SLC16A10: variants seen among roughly 807,000 people sequenced by gnomAD.
SLC16A10 encodes monocarboxylate transporter 10.
In SLC16A10, 27 loss-of-function variants were observed where a neutral mutation model predicts 40.0. That is an observed-to-expected ratio of 0.67 (90% confidence interval 0.50 to 0.93). The LOEUF is 0.93. Ranked by LOEUF, SLC16A10 falls within the 40% of genes least tolerant of loss-of-function variation. The probability of loss-of-function intolerance (pLI) is 0.00; values close to 1 mark genes in which losing one functional copy is unlikely to be tolerated. For synonymous variants in SLC16A10, 213 were observed against 249.8 expected, an observed-to-expected ratio of 0.85 and a Z score of 1.39; for missense variants, 529 against 658.2, an observed-to-expected ratio of 0.80 and a Z score of 2.15.
chr6:111,160,622 C>T (rs560089699), intron 1 of SLC16A10, among the ~76,000 whole-genome samples: 47 of 152,346 alleles, frequency 3.1e-4, no homozygotes, highest in Middle Eastern at 3.4e-3. Context: ...TGACGTTCAG[C>T]GGTTCCCGAG....
intron 3 of SLC16A10, among the ~76,000 whole-genome samples, chr6:111,203,730 A>ATAAT (rs1773209927): frequency 6.8e-6 from 1 of 147,964 alleles, no homozygotes. Context: ...AAATAAATAA[A>ATAAT]TAAATAAATA....
At chr6:111,113,113 A>G (rs909341629) in intron 1 of SLC16A10, among the ~76,000 whole-genome samples, 1 of 152,218 alleles carries the variant, frequency 6.6e-6, no homozygotes, top group African/African-American at 2.4e-5. Context: ...CAGTTTACCT[A>G]TTAACAAATT....
At chr6:111,187,747 C>CT (rs1355878258) in intron 3 of SLC16A10, among the ~76,000 whole-genome samples, 1 of 152,180 alleles carries the variant, frequency 6.6e-6, no homozygotes, top group African/African-American at 2.4e-5. Flanking sequence ...CAGGAGGTTG[C>CT]TTTGCCATTT....
chr6:111,113,025 T>A (rs1277858502), intron 1 of SLC16A10, among the ~76,000 whole-genome samples: 1 of 152,168 alleles, frequency 6.6e-6, no homozygotes, highest in African/African-American at 2.4e-5. Flanking sequence ...TAAAATGATT[T>A]GGGGGTCATT....
At chr6:111,148,549 A>G (rs1432038500) in intron 1 of SLC16A10, among the ~76,000 whole-genome samples, 1 of 152,202 alleles carries the variant, frequency 6.6e-6, no homozygotes, top group East Asian at 1.9e-4. Context: ...AGGTGGAAAC[A>G]TGTCTATGTG....
At chr6:111,108,498 A>G (rs1771326576) in intron 1 of SLC16A10, among the ~76,000 whole-genome samples, 1 of 152,214 alleles carries the variant, frequency 6.6e-6, no homozygotes, top group African/African-American at 2.4e-5. Context: ...TCAACTCACA[A>G]AAGTATCTTG....
chr6:111,113,615 T>A (rs1332614700), intron 1 of SLC16A10, among the ~76,000 whole-genome samples: 3 of 152,106 alleles, frequency 2.0e-5, no homozygotes, highest in Non-Finnish European at 2.9e-5. Flanking sequence ...TTGTGGGGAT[T>A]GTGTGTGTGT....
intron 1 of SLC16A10, among the ~76,000 whole-genome samples, chr6:111,128,761 T>TA (rs1335288342): frequency 1.3e-5 from 2 of 152,072 alleles, no homozygotes; most frequent in Non-Finnish European, 2.9e-5. Context: ...GGTTTTTTTT[T>TA]ATTGCACAGA....
chr6:111,093,276 G>C (rs948942281), intron 1 of SLC16A10, among the ~76,000 whole-genome samples: 1 of 152,128 alleles, frequency 6.6e-6, no homozygotes, highest in Non-Finnish European at 1.5e-5. Context: ...TTATCAAAAA[G>C]GTCCTGAAAG....
chr6:111,100,218 C>T (rs1353316744), intron 1 of SLC16A10, among the ~76,000 whole-genome samples: 3 of 152,064 alleles, frequency 2.0e-5, no homozygotes, highest in Non-Finnish European at 1.5e-5. Context: ...TCTTTCAATA[C>T]ACGGGTGTCT....
chr6:111,177,323 A>G lies in SLC16A10; in HGVS notation c.600A>G (p.Gly200=). 2 of 1,613,604 alleles carry G rather than the reference A, an allele frequency of 1.2e-6. No individual in the cohort carries two copies. Among genetic ancestry groups the G allele is most frequent in the South Asian group, 1.1e-5 (1 of 91,002 alleles). The change falls in exon 3 of 6, where the codon GGA becomes GGG. Residue 200 remains glycine (G), a synonymous_variant. Coordinates refer to ENST00000368851, the MANE Select transcript of SLC16A10 (RefSeq NM_018593.5). The part of the protein sequence containing the change: ...ILGHYFKKRL[G]LVNGIVTAGS... ...GACACTATTTCAAGAAGCGCCTTGG[A>G]CTGGTGAATGGCATTGTCACTGCTG...
At chr6:111,150,166 G>A (rs749497863) in intron 1 of SLC16A10, among the ~76,000 whole-genome samples, 14 of 152,198 alleles carry the variant, frequency 9.2e-5, no homozygotes, top group African/African-American at 9.7e-5. Flanking sequence ...GATTAATGCC[G>A]TTGTTGCAGT....
intron 1 of SLC16A10, among the ~76,000 whole-genome samples, chr6:111,089,033 G>A (rs894155270): frequency 1.3e-5 from 2 of 151,664 alleles, no homozygotes; most frequent in African/African-American, 4.8e-5. Flanking sequence ...TGACTTCAAG[G>A]GCTAAGTGAT....
chr6:111,140,502 A>G (rs1256984458), intron 1 of SLC16A10, among the ~76,000 whole-genome samples: 2 of 151,856 alleles, frequency 1.3e-5, no homozygotes, highest in Admixed American at 6.6e-5. Context: ...TACCAGCCCA[A>G]CTGCACTTCT....
intron 1 of SLC16A10, among the ~76,000 whole-genome samples, chr6:111,141,046 C>T (rs1377133709): frequency 5.3e-5 from 8 of 152,176 alleles, no homozygotes; most frequent in Non-Finnish European, 1.2e-4. Flanking sequence ...TTGCCTTGTC[C>T]TCCCAGAGTG....
intron 1 of SLC16A10, among the ~76,000 whole-genome samples, chr6:111,100,796 A>T (rs1771161748): frequency 6.6e-6 from 1 of 151,888 alleles, no homozygotes; most frequent in South Asian, 2.1e-4. Flanking sequence ...GGGAATGCCA[A>T]ACTTTAACAC....
At chr6:111,220,558 A>G (rs1252579887) in intron 5 of SLC16A10, among the ~76,000 whole-genome samples, 2 of 152,358 alleles carry the variant, frequency 1.3e-5, no homozygotes, top group South Asian at 2.1e-4. Flanking sequence ...CTAGTCATGA[A>G]TCAAGCAAGC....
chr6:111,229,337 TTTAAA>T lies in SLC16A10; in HGVS notation c.*7106_*7110del, dbSNP rs1248066589. ...TGCAATTTTTGTTAACATATAAGAC[TTTAAA>T]TTACGAAACTCACAAGAAAATGATC... On this transcript the variant is annotated 3_prime_UTR_variant, in exon 6 of 6. Transcript: ENST00000368851. 2.6e-5 allele frequency: 4 copies of T among 152,156 alleles called. No individual in the cohort carries two copies. The highest frequency in any genetic ancestry group is 6.5e-5 in the Admixed American group (1 of 15,272). The allele number at this position is 152,156 out of a possible 1,614,324, so 9.4% of individuals were successfully genotyped here. A position where few individuals can be genotyped will look rare whatever the true frequency, so the allele number is the denominator to read the frequency against.
intron 1 of SLC16A10, among the ~76,000 whole-genome samples, chr6:111,156,788 A>G (rs1471712129): frequency 6.6e-6 from 1 of 152,272 alleles, no homozygotes; most frequent in African/African-American, 2.4e-5. Flanking sequence ...TAGTTCATTA[A>G]TTGTGACAAA....
Sources: allele counts gnomAD v4.1 joint callset (sites outside exome capture counted in the v4.1 genomes callset), GRCh38; gene constraint gnomAD v4.1.1; transcripts MANE v1.5; gene names NCBI Gene and HGNC (gene_info 2026-07-23, HGNC 2026-07-21).